ANKRD44: variants seen among roughly 807,000 people sequenced by gnomAD.
ANKRD44 encodes the protein serine/threonine-protein phosphatase 6 regulatory ankyrin repeat subunit B.
A neutral mutation model predicts 116.0 loss-of-function variants in ANKRD44; 35 were observed. The observed-to-expected ratio is 0.30, with a 90% CI of 0.23 to 0.40. The LOEUF is 0.40. Among genes scored for constraint, ANKRD44 ranks in the 10% least tolerant of loss-of-function variants. The probability of loss-of-function intolerance (pLI) is 1.00; values close to 1 mark genes in which losing one functional copy is unlikely to be tolerated. For missense variants in ANKRD44, 1,014 were observed against 1,242.6 expected (o/e 0.82, Z 2.77); for synonymous variants, 435 against 461.8 (o/e 0.94, Z 0.74).
At chr2:197,164,426 GTTCTC>G (rs1213647503) in intron 2 of ANKRD44, among the ~76,000 whole-genome samples, 3 of 152,184 alleles carry the variant, frequency 2.0e-5, no homozygotes, top group African/African-American at 7.2e-5. Context: ...GCGCCCCTCT[GTTCTC>G]TGGGGGCGGC....
chr2:197,208,215 A>G (rs2081251194), intron 1 of ANKRD44, among the ~76,000 whole-genome samples: 1 of 152,108 alleles, frequency 6.6e-6, no homozygotes, highest in Non-Finnish European at 1.5e-5. Flanking sequence ...CCTAGTGGAG[A>G]ATGCTTGATA....
chr2:196,983,805 T>A (rs2075819147), downstream of ANKRD44, among the ~76,000 whole-genome samples: 1 of 152,200 alleles, frequency 6.6e-6, no homozygotes, highest in Non-Finnish European at 1.5e-5. Flanking sequence ...TTGTCAGAGC[T>A]TGCCATGTGA....
intron 1 of ANKRD44, among the ~76,000 whole-genome samples, chr2:197,282,065 A>G (rs893366039): frequency 1.3e-5 from 2 of 152,132 alleles, no homozygotes; most frequent in African/African-American, 2.4e-5. Flanking sequence ...CATCCTGGCT[A>G]ACAAGGTGAA....
intron 1 of ANKRD44, among the ~76,000 whole-genome samples, chr2:197,280,955 A>T (rs2083246834): frequency 1.3e-5 from 2 of 152,226 alleles, no homozygotes; most frequent in African/African-American, 4.8e-5. Flanking sequence ...AAAATAAAAT[A>T]AAAATAATTT....
chr2:197,072,907 AAAT>A (rs766705790), intron 16 of ANKRD44, among the ~76,000 whole-genome samples: 5 of 152,174 alleles, frequency 3.3e-5, no homozygotes, highest in Non-Finnish European at 5.9e-5. Flanking sequence ...AATCTCCAAC[AAAT>A]AATAAAGAGT....
intron 1 of ANKRD44, among the ~76,000 whole-genome samples, chr2:197,222,348 C>G (rs968931490): frequency 6.6e-6 from 1 of 152,116 alleles, no homozygotes; most frequent in Admixed American, 6.6e-5. Flanking sequence ...AACAAAACTA[C>G]CAAGAATAGT....
intron 16 of ANKRD44, among the ~76,000 whole-genome samples, chr2:197,027,197 C>T (rs1170033865): frequency 6.6e-6 from 1 of 151,790 alleles, no homozygotes; most frequent in African/African-American, 2.4e-5. Context: ...CCCATCTTTA[C>T]CAAAAAATAC....
chr2:197,214,639 T>C lies in ANKRD44; in HGVS notation c.28-27533A>G, dbSNP rs142041241. On this transcript the variant is annotated intron_variant, in intron 1 of 27. Transcript: ENST00000282272. Reference sequence around the variant, plus strand: ...TTACAGTTAATACCTATCACTGATATAGTTGGGAAAGAAAAGAAATGCTAT... The same window carrying C: ...TTACAGTTAATACCTATCACTGATACAGTTGGGAAAGAAAAGAAATGCTAT... Among the ~76,000 whole-genome samples, 517 of 152,330 alleles carry C rather than the reference T, an allele frequency of 3.4e-3. 2 individuals are homozygous for C. The highest frequency in any genetic ancestry group is 0.012 in the African/African-American group (494 of 41,582).
intron 16 of ANKRD44, among the ~76,000 whole-genome samples, chr2:197,068,402 A>T (rs1281818567): frequency 2.3e-3 from 145 of 62,824 alleles, no homozygotes; most frequent in Non-Finnish European, 4.5e-3. Context: ...AAAAAATAAA[A>T]ATAAAATAAA....
At chr2:197,035,640 C>T (rs1574321952) in intron 16 of ANKRD44, among the ~76,000 whole-genome samples, 1 of 152,242 alleles carries the variant, frequency 6.6e-6, no homozygotes, top group East Asian at 1.9e-4. Flanking sequence ...GGCCAGGGCC[C>T]CTGGAAAGTT....
chr2:197,099,429 A>T, intron 10 of ANKRD44: 1 of 767,518 alleles, frequency 1.3e-6, no homozygotes, highest in Non-Finnish European at 1.6e-6. Context: ...ACTCAATTGT[A>T]CTCTATAACC....
At position 197,070,655 on chromosome 2, in the gene ANKRD44, A is replaced by G. The variant is rs1207320124; in HGVS notation, c.1650+8048T>C. On this transcript the variant is annotated intron_variant, in intron 16 of 27. Transcript: ENST00000282272. ...CTGAATTCTATTTGGTAATTTGTAAAGATTTTTGCATTCATGTTCATGAAA... is the reference window on the plus strand; with the variant it reads ...CTGAATTCTATTTGGTAATTTGTAAGGATTTTTGCATTCATGTTCATGAAA... 2.0e-5 allele frequency among the ~76,000 whole-genome samples: 3 copies of G among 152,082 alleles called. No individual in the cohort carries two copies. The East Asian group carries it at 5.8e-4, about 29-fold the overall frequency.
Position 197,013,664 on chromosome 2 carries a change from CCAA to C in ANKRD44, c.1768_1770del (p.Leu590del). ...TTCTCATCCCTGATGTCCAGGTCCACCAACGACTGCAGAAGGACTTCCAAGGCT... is the reference window on the plus strand; with the variant it reads ...TTCTCATCCCTGATGTCCAGGTCCACCGACTGCAGAAGGACTTCCAAGGCT... On this transcript the variant is annotated inframe_deletion, in exon 18 of 28. Coordinates refer to ENST00000282272, the MANE Select transcript of ANKRD44 (RefSeq NM_001195144.2). 1 of 1,613,870 alleles carries C rather than the reference CCAA, an allele frequency of 6.2e-7. No individual in the cohort carries two copies. Among genetic ancestry groups the C allele is most frequent in the South Asian group, 1.1e-5 (1 of 91,066 alleles).
intron 6 of ANKRD44, 137 bp from the exon 7 acceptor site, chr2:197,122,929 G>A: frequency 1.0e-6 from 1 of 1,003,648 alleles, no homozygotes; most frequent in Non-Finnish European, 1.4e-6. Flanking sequence ...CTGGTTCATG[G>A]CAACTATTCA....
At chr2:197,024,634 T>C (rs1278382471) in intron 17 of ANKRD44, among the ~76,000 whole-genome samples, 2 of 152,176 alleles carry the variant, frequency 1.3e-5, no homozygotes, top group Admixed American at 6.5e-5. Context: ...AAAATAACTC[T>C]TCTTCCCTCA....
chr2:197,062,728 A>G (rs1198977345), intron 16 of ANKRD44, among the ~76,000 whole-genome samples: 1 of 152,232 alleles, frequency 6.6e-6, no homozygotes, highest in Non-Finnish European at 1.5e-5. Flanking sequence ...TTGCTAGCAT[A>G]GCAGTCTAAG....
chr2:197,003,743 C>T (rs2076154502), intron 21 of ANKRD44, among the ~76,000 whole-genome samples: 1 of 152,124 alleles, frequency 6.6e-6, no homozygotes, highest in Admixed American at 6.5e-5. Context: ...TTATAATCAG[C>T]ACTCTCACTG....
chr2:197,302,630 G>A (rs2083945764), intron 1 of ANKRD44: 1 of 152,156 alleles, frequency 6.6e-6, no homozygotes, highest in East Asian at 1.9e-4. Flanking sequence ...TGACCTGAAT[G>A]TCTGCCTGGC....
chr2:197,124,366 G>T (rs1231470184), intron 6 of ANKRD44, among the ~76,000 whole-genome samples: 2 of 151,892 alleles, frequency 1.3e-5, no homozygotes, highest in Admixed American at 6.6e-5. Context: ...AAGGCAAAAA[G>T]GTATTAAAAG....
Sources: gnomAD v4.1 joint callset for allele counts (sites outside exome capture counted in the v4.1 genomes callset) on GRCh38, gnomAD v4.1.1 for gene constraint, MANE v1.5 for transcripts, NCBI Gene and HGNC (gene_info 2026-07-23, HGNC 2026-07-21) for gene names.